VAT1L: variants seen among roughly 807,000 people sequenced by gnomAD.
The protein encoded by VAT1L is putative NADPH-dependent quinone oxidoreductase VAT1L.
In VAT1L, 34 loss-of-function variants were observed where a neutral mutation model predicts 44.1. The ratio of observed to expected loss-of-function variants is 0.77; its 90% CI spans 0.59 to 1.03. The LOEUF (loss-of-function observed/expected upper bound fraction) is 1.03. Among genes scored for constraint, VAT1L ranks in the 50% least tolerant of loss-of-function variants. The pLI is 0.00. For missense variants in VAT1L, 615 were observed against 538.8 expected (o/e 1.14, Z -1.40); for synonymous variants, 253 against 202.2 (o/e 1.25, Z -2.13).
chr16:77,913,547 G>C (rs1038627027), intron 7 of VAT1L, among the ~76,000 whole-genome samples: 8 of 151,634 alleles, frequency 5.3e-5, no homozygotes, highest in African/African-American at 1.9e-4. Context: ...GCTTCCTTCA[G>C]TTGGCTTCTA....
chr16:77,801,960 A>G (rs920649929), intron 1 of VAT1L, among the ~76,000 whole-genome samples: 1 of 152,156 alleles, frequency 6.6e-6, no homozygotes, highest in African/African-American at 2.4e-5. Context: ...ACGATGCATG[A>G]CGCAGCCATC....
At chr16:77,808,381 A>G (rs954938005) in intron 1 of VAT1L, among the ~76,000 whole-genome samples, 2 of 152,174 alleles carry the variant, frequency 1.3e-5, no homozygotes, top group African/African-American at 4.8e-5. Context: ...GCTGAGTTGT[A>G]TAATTATTTC....
chr16:77,837,893 T>G (rs1308888837), intron 3 of VAT1L, among the ~76,000 whole-genome samples: 1 of 152,218 alleles, frequency 6.6e-6, no homozygotes, highest in Non-Finnish European at 1.5e-5. Flanking sequence ...ATATCATTAT[T>G]ATCACTGTCT....
At chr16:77,888,181 C>T (rs776351239) in intron 7 of VAT1L, among the ~76,000 whole-genome samples, 1 of 152,210 alleles carries the variant, frequency 6.6e-6, no homozygotes, top group South Asian at 2.1e-4. Flanking sequence ...CCACTGCAGA[C>T]CAGGCCATTC....
At chr16:77,850,925 CAG>C (rs908518690) in intron 3 of VAT1L, among the ~76,000 whole-genome samples, 16 of 152,318 alleles carry the variant, frequency 1.1e-4, no homozygotes, top group African/African-American at 3.8e-4. Flanking sequence ...AACTCTCAAA[CAG>C]TGTGTCAGTC....
In VAT1L at chr16:77,847,795, A is replaced by G. The variant is rs540866017; in HGVS notation, c.580-14953A>G. 3.3e-5 allele frequency among the ~76,000 whole-genome samples: 5 copies of G among 152,318 alleles called. No homozygotes were observed. In the South Asian group the frequency reaches 6.2e-4, roughly 19 times the overall value. On this transcript the variant is annotated intron_variant, in intron 3 of 8. Transcript: ENST00000302536. ...TGTTGTGCTGTGGTTGTGAATGGCA[A>G]TGTAATCTTGCCTGCATTTTTAGTG...
At chr16:77,819,378 CTTTT>C (rs201044786) in intron 2 of VAT1L, among the ~76,000 whole-genome samples, 2 of 150,044 alleles carry the variant, frequency 1.3e-5, no homozygotes, top group Non-Finnish European at 3.0e-5. Context: ...TTTCTTTTTT[CTTTT>C]TTTTTTCTTT....
intron 7 of VAT1L, among the ~76,000 whole-genome samples, chr16:77,911,947 T>G (rs767754894): frequency 1.3e-5 from 2 of 152,204 alleles, no homozygotes; most frequent in African/African-American, 2.4e-5. Context: ...TTAGGTTGAT[T>G]TATGTCCACT....
chr16:77,812,359 C>T (rs1043558274), intron 1 of VAT1L, among the ~76,000 whole-genome samples: 5 of 152,116 alleles, frequency 3.3e-5, no homozygotes, highest in African/African-American at 9.7e-5. Context: ...AGGCGTGAGC[C>T]ACCATGCCCT....
chr16:77,905,173 C>A (rs1177643444), intron 7 of VAT1L, among the ~76,000 whole-genome samples: 2 of 152,064 alleles, frequency 1.3e-5, no homozygotes, highest in South Asian at 2.1e-4. Flanking sequence ...TTGTTGGCAA[C>A]CTGTAAAGAA....
chr16:77,927,133 T>C (rs1036513044), intron 7 of VAT1L, among the ~76,000 whole-genome samples: 8 of 151,518 alleles, frequency 5.3e-5, no homozygotes, highest in Non-Finnish European at 8.8e-5. Context: ...GGTCAGGAGA[T>C]TGAGACCATC....
Position 77,788,671 on chromosome 16 carries a change from C to G in VAT1L, c.-12C>G, listed in dbSNP as rs1370815392. ...GCCACCGCAGCCCGTGCGCCCCGCG[C>G]CCTCGAGCGCCATGGCCAAGGAAGG... On this transcript the variant is annotated 5_prime_UTR_variant, in exon 1 of 9. Transcript: ENST00000302536. 3.2e-6 allele frequency: 5 copies of G among 1,547,782 alleles called. No individual in the cohort carries two copies. The East Asian group carries it at 7.3e-5, about 23-fold the overall frequency.
At chr16:77,878,708 C>A (rs577488619) in intron 5 of VAT1L, among the ~76,000 whole-genome samples, 1 of 152,236 alleles carries the variant, frequency 6.6e-6, no homozygotes, top group Admixed American at 6.5e-5. Flanking sequence ...TCCAATCCAT[C>A]TATATTTTAA....
At chr16:77,929,726 T>A (rs2017706875) in intron 7 of VAT1L, among the ~76,000 whole-genome samples, 1 of 152,180 alleles carries the variant, frequency 6.6e-6, no homozygotes, top group Admixed American at 6.5e-5. Context: ...TGACATGAGG[T>A]AGGTGTTGGA....
At chr16:77,902,738 G>GC (rs1567503287) in intron 7 of VAT1L, among the ~76,000 whole-genome samples, 1 of 132,138 alleles carries the variant, frequency 7.6e-6, no homozygotes, top group Non-Finnish European at 1.6e-5. Flanking sequence ...GGGGTGGGGG[G>GC]GGTGTGGATC....
chr16:77,933,647 A>G (rs2017757661), intron 7 of VAT1L, among the ~76,000 whole-genome samples: 1 of 152,222 alleles, frequency 6.6e-6, no homozygotes, highest in Non-Finnish European at 1.5e-5. Context: ...TGAAGAGGTG[A>G]TCTGAGGAGA....
intron 3 of VAT1L, among the ~76,000 whole-genome samples, chr16:77,857,309 G>A (rs1336688041): frequency 6.6e-6 from 1 of 152,184 alleles, no homozygotes; most frequent in African/African-American, 2.4e-5. Flanking sequence ...TATTTGCTAG[G>A]CACGTAGGAG....
At chr16:77,873,062 C>A (rs2017048658) in intron 4 of VAT1L, among the ~76,000 whole-genome samples, 1 of 152,204 alleles carries the variant, frequency 6.6e-6, no homozygotes, top group Non-Finnish European at 1.5e-5. Context: ...TATTTCAAGA[C>A]AAAATTTAAG....
intron 6 of VAT1L, among the ~76,000 whole-genome samples, chr16:77,880,910 G>A (rs2017146446): frequency 6.6e-6 from 1 of 152,106 alleles, no homozygotes. Flanking sequence ...CATCCACGTT[G>A]CTGCAAAGGA....
Sources: gnomAD v4.1 joint callset for allele counts (sites outside exome capture counted in the v4.1 genomes callset) on GRCh38, gnomAD v4.1.1 for gene constraint, MANE v1.5 for transcripts, NCBI Gene and HGNC (gene_info 2026-07-23, HGNC 2026-07-21) for gene names.